PPP2R2C: variants seen among roughly 807,000 people sequenced by gnomAD.
The protein encoded by PPP2R2C is protein phosphatase 2, regulatory subunit B, gamma.
A neutral mutation model predicts 45.3 loss-of-function variants in PPP2R2C; 10 were observed. The ratio of observed to expected loss-of-function variants is 0.22; its 90% CI spans 0.14 to 0.37. PPP2R2C has a LOEUF of 0.37. PPP2R2C is among the 10% of genes least tolerant of loss of function. The pLI is 1.00. For synonymous variants in PPP2R2C, 257 were observed against 245.4 expected (o/e 1.05, Z -0.44); for missense variants, 308 against 619.7 (o/e 0.50, Z 5.34).
chr4:6,368,321 G>A lies in PPP2R2C; in HGVS notation c.625+4202C>T, dbSNP rs529582756. ...AGAAATGTACACGGCTGCGCTGGCT[G>A]GGCCACCGACTCCCTGTAGCACCCA... is the stretch of plus-strand genomic sequence containing the variant. On this transcript the variant is annotated intron_variant, in intron 5 of 8. Transcript: ENST00000382599. The surrounding 1 kb of genome is among the most constrained non-coding windows in gnomAD (Gnocchi z 4.2). Among the ~76,000 whole-genome samples the A allele has an allele frequency of 1.9e-3, 286 of 152,260 alleles. 1 individual carries two copies. Among genetic ancestry groups the A allele is most frequent in the African/African-American group, 6.2e-3 (258 of 41,552 alleles).
At chr4:6,404,096 C>T (rs1420751209) in intron 1 of PPP2R2C, among the ~76,000 whole-genome samples, 1 of 152,120 alleles carries the variant, frequency 6.6e-6, no homozygotes, top group Non-Finnish European at 1.5e-5. Context: ...TTGTTCCCAC[C>T]AGGAGAGTTG....
At chr4:6,339,566 C>T (rs1016042470) in intron 6 of PPP2R2C, among the ~76,000 whole-genome samples, 5 of 152,240 alleles carry the variant, frequency 3.3e-5, no homozygotes, top group Non-Finnish European at 7.3e-5. Flanking sequence ...AGTGTGTGGA[C>T]GACACTCCTC....
chr4:6,368,182 C>T lies in PPP2R2C; in HGVS notation c.625+4341G>A, dbSNP rs1350399019. On this transcript the variant is annotated intron_variant, in intron 5 of 8. Transcript: ENST00000382599. This position sits in a 1 kb window ranked among gnomAD's most constrained non-coding sequence, Gnocchi z 4.2. ...CTTTGGTCAATAATCATTATTTTCA[C>T]TCTCTTGCACACACCATCAGCTCCG... 6.6e-6 allele frequency among the ~76,000 whole-genome samples: 1 copy of T among 152,148 alleles called. No individual in the cohort carries two copies. The highest frequency in any genetic ancestry group is 6.5e-5 in the Admixed American group (1 of 15,272).
In PPP2R2C at chr4:6,559,377, G is replaced by A. The variant is rs1725503382; in HGVS notation, c.-59+4183C>T. On this transcript the variant is annotated intron_variant, in intron 1 of 9. Transcript: ENST00000506140. ...TCACAGAAGTGCCCAATAAATGGCAGTTCTGAAAAAATACACAGCACACAC... is the reference window on the plus strand; with the variant it reads ...TCACAGAAGTGCCCAATAAATGGCAATTCTGAAAAAATACACAGCACACAC... Among the ~76,000 whole-genome samples the A allele has an allele frequency of 4.6e-5, 7 of 150,838 alleles. No individual in the cohort carries two copies. In the South Asian group the frequency reaches 1.5e-3, roughly 32 times the overall value.
intron 1 of PPP2R2C, among the ~76,000 whole-genome samples, chr4:6,537,533 C>T (rs935624135): frequency 1.3e-5 from 2 of 150,250 alleles, no homozygotes; most frequent in African/African-American, 2.4e-5. Context: ...ACAATGTAGA[C>T]GAACTTGAAG....
At chr4:6,531,332 A>G (rs1006301390) in intron 2 of PPP2R2C, among the ~76,000 whole-genome samples, 3 of 152,184 alleles carry the variant, frequency 2.0e-5, no homozygotes, top group African/African-American at 4.8e-5. Flanking sequence ...AGAGGAAAGG[A>G]CGTCAGAGCC....
chr4:6,531,619 T>G (rs1169023775), intron 2 of PPP2R2C, among the ~76,000 whole-genome samples: 1 of 151,914 alleles, frequency 6.6e-6, no homozygotes, highest in African/African-American at 2.4e-5. Flanking sequence ...GTTTCACAAC[T>G]TTCACCGAAA....
At chr4:6,346,478 A>G (rs1385717822) in intron 6 of PPP2R2C, among the ~76,000 whole-genome samples, 1 of 152,044 alleles carries the variant, frequency 6.6e-6, no homozygotes, top group Non-Finnish European at 1.5e-5. Context: ...TGTTGGTGCC[A>G]TTGCTCACCA....
At chr4:6,461,994 C>T (rs567293418) in intron 1 of PPP2R2C, among the ~76,000 whole-genome samples, 5 of 152,364 alleles carry the variant, frequency 3.3e-5, no homozygotes, top group South Asian at 2.1e-4. Context: ...GGTGCAGCCA[C>T]GCTCACCCCC....
Position 6,332,753 on chromosome 4 carries a change from G to T in PPP2R2C, c.960+809C>A, listed in dbSNP as rs909937430. The stretch of plus-strand genomic sequence containing the variant: ...ACAGTAAAGAATGGAGGTGACAGAT[G>T]TCAAGCACGTGGCACCCCATGTGTG... On this transcript the variant is annotated intron_variant, in intron 7 of 8. Transcript: ENST00000382599. The surrounding 1 kb of genome is among the most constrained non-coding windows in gnomAD (Gnocchi z 4.9). Among the ~76,000 whole-genome samples the T allele has an allele frequency of 1.3e-5, 2 of 152,148 alleles. No individual in the cohort carries two copies. Among genetic ancestry groups the T allele is most frequent in the East Asian group, 3.9e-4 (2 of 5,186 alleles).
intron 1 of PPP2R2C, among the ~76,000 whole-genome samples, chr4:6,465,827 C>T (rs1721565304): frequency 6.6e-6 from 1 of 152,196 alleles, no homozygotes; most frequent in Non-Finnish European, 1.5e-5. Flanking sequence ...AGGAAACTAA[C>T]TTAACTGTTC....
chr4:6,364,523 A>G lies in PPP2R2C; in HGVS notation c.625+8000T>C, dbSNP rs771867938. On this transcript the variant is annotated intron_variant, in intron 5 of 8. Coordinates refer to ENST00000382599, the MANE Select transcript of PPP2R2C (RefSeq NM_020416.4). The surrounding 1 kb of genome is among the most constrained non-coding windows in gnomAD (Gnocchi z 5.3). ...TGTTGTAGGAGAACAGACTGTAAGG[A>G]GACACCTGGGGAAACACAGCTAATG... Among the ~76,000 whole-genome samples, 2 of 151,854 alleles carry G rather than the reference A, an allele frequency of 1.3e-5. No individual in the cohort carries two copies. The highest frequency in any genetic ancestry group is 2.9e-5 in the Non-Finnish European group (2 of 67,970).
chr4:6,447,614 C>A lies in PPP2R2C; in HGVS notation c.70+24546G>T, dbSNP rs550792646. 4.6e-5 allele frequency among the ~76,000 whole-genome samples: 7 copies of A among 151,126 alleles called. No homozygotes were observed. The South Asian group carries it at 1.5e-3, about 32-fold the overall frequency. The stretch of plus-strand genomic sequence containing the variant: ...CTGCTTTAGGGGGGTTGCAAGAGAC[C>A]ATTTCCCTGGTGATTTAATGAAAAG... On this transcript the variant is annotated intron_variant, in intron 1 of 8. Transcript: ENST00000382599.
intron 2 of PPP2R2C, among the ~76,000 whole-genome samples, chr4:6,511,544 T>C (rs1311097178): frequency 6.7e-4 from 16 of 23,788 alleles, no homozygotes; most frequent in Non-Finnish European, 1.2e-3. Flanking sequence ...GTGGTGGTGG[T>C]GATGGTGGTG....
intron 2 of PPP2R2C, among the ~76,000 whole-genome samples, chr4:6,478,114 C>G (rs1316176117): frequency 6.6e-6 from 1 of 152,238 alleles, no homozygotes; most frequent in Non-Finnish European, 1.5e-5. Flanking sequence ...AACTCTACAT[C>G]TGCACACACT....
intron 2 of PPP2R2C, among the ~76,000 whole-genome samples, chr4:6,512,511 GT>G (rs1414387195): frequency 1.5e-4 from 8 of 54,458 alleles, no homozygotes; most frequent in Admixed American, 8.4e-4. Flanking sequence ...TGGTGGTGAT[GT>G]TGGTGGTGGT....
rs117980172 is a variant in PPP2R2C, at chr4:6,407,126, C to T, written c.71-26032G>A. Among the ~76,000 whole-genome samples, 41 of 152,322 alleles carry T rather than the reference C, an allele frequency of 2.7e-4. No homozygotes were observed. In the East Asian group the frequency reaches 6.8e-3, roughly 25 times the overall value. On this transcript the variant is annotated intron_variant, in intron 1 of 8. Transcript: ENST00000382599. ...GGCCTACGGACACCATGATTTTGGA[C>T]TTCTGGACTGTAGAACAGGAAGAGT...
intron 1 of PPP2R2C, among the ~76,000 whole-genome samples, chr4:6,457,631 C>T (rs953873745): frequency 6.6e-6 from 1 of 152,172 alleles, no homozygotes; most frequent in Non-Finnish European, 1.5e-5. Context: ...ACCTCAGCCT[C>T]CCAAAGTGCT....
At chr4:6,448,134 G>C (rs1720532231) in intron 1 of PPP2R2C, among the ~76,000 whole-genome samples, 1 of 152,146 alleles carries the variant, frequency 6.6e-6, no homozygotes, top group Non-Finnish European at 1.5e-5. Context: ...AAGAAAGATC[G>C]TCACGGCAGT....
Sources: allele counts gnomAD v4.1 joint callset (sites outside exome capture counted in the v4.1 genomes callset), GRCh38; gene constraint gnomAD v4.1.1; non-coding constraint Gnocchi (gnomAD v3.1); transcripts MANE v1.5; gene names NCBI Gene and HGNC (gene_info 2026-07-23, HGNC 2026-07-21).